The following YAP1 variants were observed in gnomAD, a reference collection of about 807,000 sequenced individuals.
The protein encoded by YAP1 is Yes1 associated transcriptional regulator, also known as transcriptional coactivator YAP1.
Under a neutral mutation model 56.9 loss-of-function variants are expected in YAP1, and 5 were observed. The observed-to-expected ratio is 0.09, with a 90% CI of 0.05 to 0.18. The LOEUF (loss-of-function observed/expected upper bound fraction) is 0.18, where lower values mean the gene tolerates loss of function less well. YAP1 is among the 10% of genes least tolerant of loss of function. The probability of loss-of-function intolerance (pLI) is 1.00; values close to 1 mark genes in which losing one functional copy is unlikely to be tolerated. For synonymous variants in YAP1, 265 were observed against 248.1 expected, an observed-to-expected ratio of 1.07 and a Z score of -0.64; for missense variants, 539 against 651.8, an observed-to-expected ratio of 0.83 and a Z score of 1.88.
chr11:102,172,300 ATTTTT>A (rs752185861), intron 3 of YAP1, among the ~76,000 whole-genome samples: 2 of 110,816 alleles, frequency 1.8e-5, no homozygotes, highest in African/African-American at 8.5e-5. Context: ...ACAGTGAAGA[ATTTTT>A]TTTTTTTTTT....
intron 7 of YAP1, among the ~76,000 whole-genome samples, chr11:102,225,290 A>G (rs1950142810): frequency 6.6e-6 from 1 of 152,164 alleles, no homozygotes; most frequent in South Asian, 2.1e-4. Context: ...GTTCGAGACC[A>G]GCCTGACCAA....
chr11:102,176,604 G>A (rs893835081), intron 3 of YAP1, among the ~76,000 whole-genome samples: 1 of 151,662 alleles, frequency 6.6e-6, no homozygotes, highest in African/African-American at 2.4e-5. Flanking sequence ...AAGTTAGCCG[G>A]GTGTGGTGGT....
rs531568275 is a variant in YAP1, at chr11:102,222,836, A to G, written c.1033-786A>G. ...TGGGGAAGGATTGGTGTCTTATAGTAAAATCATCAGATGCTATTCTTCCTA... is the reference window on the plus strand; with the variant it reads ...TGGGGAAGGATTGGTGTCTTATAGTGAAATCATCAGATGCTATTCTTCCTA... On this transcript the variant is annotated intron_variant, in intron 6 of 8. Transcript: ENST00000282441. Among the ~76,000 whole-genome samples the G allele has an allele frequency of 1.3e-4, 20 of 152,074 alleles. No individual in the cohort carries two copies. The East Asian group carries it at 2.5e-3, about 19-fold the overall frequency.
intron 3 of YAP1, among the ~76,000 whole-genome samples, chr11:102,185,147 A>C (rs1479288301): frequency 6.6e-6 from 1 of 152,148 alleles, no homozygotes; most frequent in Non-Finnish European, 1.5e-5. Flanking sequence ...TGGAAATGGG[A>C]ACTGGGGGAG....
intron 1 of YAP1, chr11:102,112,880 G>T (rs1484864083): frequency 1.5e-6 from 1 of 653,488 alleles, no homozygotes; most frequent in Non-Finnish European, 1.9e-6. Flanking sequence ...CCCATTTTGT[G>T]GCATCAGCCA....
intron 6 of YAP1, among the ~76,000 whole-genome samples, chr11:102,222,917 A>G (rs146998923): frequency 4.0e-5 from 6 of 151,878 alleles, no homozygotes; most frequent in East Asian, 3.9e-4. Flanking sequence ...ACAAAACCAT[A>G]TAAGAGTTGT....
At chr11:102,156,514 C>T (rs1945954300) in intron 2 of YAP1, among the ~76,000 whole-genome samples, 1 of 152,084 alleles carries the variant, frequency 6.6e-6, no homozygotes, top group South Asian at 2.1e-4. Flanking sequence ...TTTAGTTCTG[C>T]CATTTCTCTT....
intron 3 of YAP1, among the ~76,000 whole-genome samples, chr11:102,168,189 G>T (rs1295582514): frequency 1.3e-5 from 2 of 152,158 alleles, no homozygotes; most frequent in African/African-American, 4.8e-5. Flanking sequence ...AAGCCCTGGG[G>T]AGTGAAAAGT....
intron 2 of YAP1, among the ~76,000 whole-genome samples, chr11:102,133,924 C>T (rs535371120): frequency 1.3e-5 from 2 of 152,326 alleles, no homozygotes; most frequent in African/African-American, 4.8e-5. Context: ...TCCCTGCATG[C>T]TCACACGACC....
rs1242961903 is a variant in YAP1, at chr11:102,172,680, G to A, written c.688+10109G>A. On this transcript the variant is annotated intron_variant, in intron 3 of 8. Coordinates refer to ENST00000282441, the MANE Select transcript of YAP1 (RefSeq NM_001130145.3). ...AGGCATGGTTCTAAGTTATGAGAACGGATATACAATGAGTCAGATATTAAA... is the reference window on the plus strand; with the variant it reads ...AGGCATGGTTCTAAGTTATGAGAACAGATATACAATGAGTCAGATATTAAA... 3.9e-5 allele frequency among the ~76,000 whole-genome samples: 6 copies of A among 152,052 alleles called. No homozygotes were observed. The East Asian group carries it at 1.2e-3, about 29-fold the overall frequency.
chr11:102,222,918 TAA>T (rs1409755823), intron 6 of YAP1, among the ~76,000 whole-genome samples: 5 of 151,796 alleles, frequency 3.3e-5, no homozygotes, highest in Non-Finnish European at 1.5e-5. Flanking sequence ...CAAAACCATA[TAA>T]GAGTTGTCGA....
At chr11:102,178,494 C>A (rs554311088) in intron 3 of YAP1, among the ~76,000 whole-genome samples, 1 of 152,196 alleles carries the variant, frequency 6.6e-6, no homozygotes, top group South Asian at 2.1e-4. Context: ...GCAAGAGGGT[C>A]CTTAGGCAAG....
At chr11:102,118,185 A>T (rs534695268) in intron 2 of YAP1, among the ~76,000 whole-genome samples, 1 of 152,186 alleles carries the variant, frequency 6.6e-6, no homozygotes, top group South Asian at 2.1e-4. Context: ...TGTTTTAATA[A>T]TGTTCTAATA....
intron 3 of YAP1, among the ~76,000 whole-genome samples, chr11:102,178,897 A>G (rs1947422327): frequency 6.6e-6 from 1 of 152,174 alleles, no homozygotes; most frequent in Admixed American, 6.5e-5. Context: ...AATCCTAGCA[A>G]AAGGCAAGTG....
At chr11:102,169,220 G>A (rs965660915) in intron 3 of YAP1, among the ~76,000 whole-genome samples, 3 of 152,170 alleles carry the variant, frequency 2.0e-5, no homozygotes, top group Non-Finnish European at 4.4e-5. Flanking sequence ...TAGTTAAAAT[G>A]TATTATTAAT....
At chr11:102,134,284 C>T (rs1278623440) in intron 2 of YAP1, among the ~76,000 whole-genome samples, 1 of 151,924 alleles carries the variant, frequency 6.6e-6, no homozygotes, top group African/African-American at 2.4e-5. Flanking sequence ...AGATTAGTAC[C>T]TTATTATCAT....
intron 2 of YAP1, among the ~76,000 whole-genome samples, chr11:102,158,407 C>G (rs1396460964): frequency 6.6e-6 from 1 of 152,126 alleles, no homozygotes; most frequent in Non-Finnish European, 1.5e-5. Flanking sequence ...TGTAGGTGAT[C>G]AAATCTCAAA....
At chr11:102,181,678 A>G (rs1055572030) in intron 3 of YAP1, among the ~76,000 whole-genome samples, 1 of 152,226 alleles carries the variant, frequency 6.6e-6, no homozygotes, top group Non-Finnish European at 1.5e-5. Context: ...ATCCTAGCAG[A>G]CGTGACTGTG....
intron 2 of YAP1, among the ~76,000 whole-genome samples, chr11:102,123,901 A>G (rs545461373): frequency 4.0e-5 from 6 of 151,330 alleles, no homozygotes; most frequent in Admixed American, 3.3e-4. Context: ...TGCTGGGATT[A>G]CAGGTGTGAG....
Sources: allele counts gnomAD v4.1 joint callset (sites outside exome capture counted in the v4.1 genomes callset), GRCh38; gene constraint gnomAD v4.1.1; transcripts MANE v1.5; gene names NCBI Gene and HGNC (gene_info 2026-07-23, HGNC 2026-07-21).